The following SLC25A21 variants were observed in gnomAD, a reference collection of about 807,000 sequenced individuals.
The protein encoded by SLC25A21 is mitochondrial 2-oxodicarboxylate carrier.
A neutral mutation model predicts 43.8 loss-of-function variants in SLC25A21; 47 were observed. The ratio of observed to expected loss-of-function variants is 1.07; its 90% CI spans 0.85 to 1.37. The LOEUF (loss-of-function observed/expected upper bound fraction) is 1.37. SLC25A21 is among the 40% of genes most tolerant of loss of function. SLC25A21 has a pLI of 0.00. For missense variants in SLC25A21, 352 were observed against 350.2 expected (o/e 1.00, Z -0.04); for synonymous variants, 131 against 121.3 (o/e 1.08, Z -0.52).
intron 1 of SLC25A21, among the ~76,000 whole-genome samples, chr14:37,098,738 TAGATAGATAGACAGACAGACAGAC>T (rs1335690985): frequency 4.9e-4 from 4 of 8,174 alleles, no homozygotes; most frequent in African/African-American, 6.2e-4. Context: ...GATAGATAGA[TAGATAGATAGACAGACAGACAGAC>T]AGACAGACAG....
At chr14:36,851,728 T>C (rs1267626712) in intron 2 of SLC25A21, among the ~76,000 whole-genome samples, 5 of 152,186 alleles carry the variant, frequency 3.3e-5, no homozygotes, top group Non-Finnish European at 5.9e-5. Context: ...TTTTTGTTTG[T>C]CTGTTTTAAA....
chr14:36,818,828 A>G (rs1216322888), intron 2 of SLC25A21, among the ~76,000 whole-genome samples: 1 of 152,230 alleles, frequency 6.6e-6, no homozygotes, highest in Non-Finnish European at 1.5e-5. Flanking sequence ...TTGAAGCTTT[A>G]CATCAGCATG....
chr14:36,842,837 T>C (rs1889427317), intron 2 of SLC25A21, among the ~76,000 whole-genome samples: 1 of 152,134 alleles, frequency 6.6e-6, no homozygotes, highest in South Asian at 2.1e-4. Context: ...CAGGAGGATG[T>C]GTCTATGGCA....
At position 36,930,241 on chromosome 14, in the gene SLC25A21, C is replaced by T. The variant is rs140540644; in HGVS notation, c.71-55237G>A. On this transcript the variant is annotated intron_variant, in intron 1 of 9. Coordinates refer to ENST00000331299, the MANE Select transcript of SLC25A21 (RefSeq NM_030631.4). Reference sequence around the variant, plus strand: ...GTTGTCATAAGCCACCAAGTTTTGGCTAGCTAAAGAATATCACACAAAAAT... The same window carrying T: ...GTTGTCATAAGCCACCAAGTTTTGGTTAGCTAAAGAATATCACACAAAAAT... Among the ~76,000 whole-genome samples, 14 of 152,270 alleles carry T rather than the reference C, an allele frequency of 9.2e-5. No homozygotes were observed. In the East Asian group the frequency reaches 2.3e-3, roughly 25 times the overall value.
intron 1 of SLC25A21, among the ~76,000 whole-genome samples, chr14:37,105,316 A>G (rs897810395): frequency 6.6e-6 from 1 of 152,228 alleles, no homozygotes; most frequent in Non-Finnish European, 1.5e-5. Context: ...AATAAAACAG[A>G]TAATAAACAG....
chr14:36,870,039 C>T (rs1453081515), intron 2 of SLC25A21, among the ~76,000 whole-genome samples: 24 of 152,048 alleles, frequency 1.6e-4, no homozygotes, highest in Admixed American at 1.6e-3. Context: ...AAATATGAGG[C>T]AATAATTAAC....
chr14:36,804,447 CCTTA>C (rs1247539808), intron 3 of SLC25A21, among the ~76,000 whole-genome samples: 1 of 152,146 alleles, frequency 6.6e-6, no homozygotes, highest in Non-Finnish European at 1.5e-5. Context: ...CCTTAACAAC[CCTTA>C]CTTGTTTCTT....
intron 1 of SLC25A21, among the ~76,000 whole-genome samples, chr14:36,981,448 A>T (rs1467212100): frequency 2.6e-5 from 4 of 152,238 alleles, no homozygotes; most frequent in African/African-American, 9.6e-5. Flanking sequence ...CAAATGTCCA[A>T]CAATGATAGA....
intron 5 of SLC25A21, 29 bp from the exon 6 acceptor site, chr14:36,725,706 A>T (rs763490950): frequency 4.1e-6 from 6 of 1,480,638 alleles, no homozygotes; most frequent in Non-Finnish European, 5.6e-6. Flanking sequence ...TCAATACTTT[A>T]AAACAAGTTA....
At chr14:37,170,809 G>T (rs2138962881) in intron 1 of SLC25A21, among the ~76,000 whole-genome samples, 1 of 151,814 alleles carries the variant, frequency 6.6e-6, no homozygotes, top group African/African-American at 2.4e-5. Flanking sequence ...AACTAGCCGG[G>T]CATGGTGGTG....
intron 3 of SLC25A21, among the ~76,000 whole-genome samples, chr14:36,747,036 T>A: frequency 6.6e-6 from 1 of 152,316 alleles, no homozygotes; most frequent in East Asian, 1.9e-4. Flanking sequence ...TACATCTATA[T>A]GTATACATCA....
At chr14:36,698,078 T>C (rs1225900026) in intron 7 of SLC25A21, among the ~76,000 whole-genome samples, 2 of 152,206 alleles carry the variant, frequency 1.3e-5, no homozygotes, top group African/African-American at 4.8e-5. Context: ...CGTTTAGTGC[T>C]TCCTTCAGGA....
intron 8 of SLC25A21, among the ~76,000 whole-genome samples, chr14:36,684,307 AAAGT>A (rs1882429664): frequency 1.3e-5 from 2 of 152,374 alleles, no homozygotes; most frequent in South Asian, 2.1e-4. Flanking sequence ...GAAGAAACAG[AAAGT>A]AAGATTTAAA....
At position 36,725,687 on chromosome 14, in the gene SLC25A21, T is replaced by C. The variant is rs751998594; in HGVS notation, c.331-10A>G. On this transcript the variant is annotated splice_polypyrimidine_tract_variant and intron_variant, in intron 5 of 9. Coordinates refer to ENST00000331299, the MANE Select transcript of SLC25A21 (RefSeq NM_030631.4). Reference sequence around the variant, plus strand: ...CAGCAATGGCGAATGTCTAGAAAAATTAAATCAATCAATACTTTAAAACAA... The same window carrying C: ...CAGCAATGGCGAATGTCTAGAAAAACTAAATCAATCAATACTTTAAAACAA... The C allele has an allele frequency of 4.5e-6, 7 of 1,569,352 alleles. No individual in the cohort carries two copies. The South Asian group carries it at 7.0e-5, about 16-fold the overall frequency.
intron 1 of SLC25A21, among the ~76,000 whole-genome samples, chr14:36,940,591 TAA>T (rs1231401071): frequency 6.6e-6 from 1 of 152,050 alleles, no homozygotes; most frequent in African/African-American, 2.4e-5. Context: ...CTAAATAAAA[TAA>T]GTCAGAAAGT....
intron 1 of SLC25A21, among the ~76,000 whole-genome samples, chr14:37,099,914 A>G (rs775823329): frequency 6.6e-5 from 10 of 152,122 alleles, no homozygotes; most frequent in Non-Finnish European, 1.0e-4. Flanking sequence ...ATTTAAAATT[A>G]AATTTAAACA....
intron 1 of SLC25A21, among the ~76,000 whole-genome samples, chr14:36,884,271 A>G (rs1357706514): frequency 6.6e-6 from 1 of 152,178 alleles, no homozygotes; most frequent in Non-Finnish European, 1.5e-5. Flanking sequence ...TTCACTTAGC[A>G]TGACGTCCTC....
chr14:36,978,958 C>T (rs964443863), intron 1 of SLC25A21, among the ~76,000 whole-genome samples: 1 of 152,134 alleles, frequency 6.6e-6, no homozygotes, highest in African/African-American at 2.4e-5. Flanking sequence ...CGTGCTGCCA[C>T]GCACCTGCAA....
At chr14:37,169,193 C>G (rs998519804) in intron 1 of SLC25A21, among the ~76,000 whole-genome samples, 2 of 152,100 alleles carry the variant, frequency 1.3e-5, no homozygotes, top group African/African-American at 4.8e-5. Flanking sequence ...AGGGAGCTGG[C>G]ACCATGATGT....
Sources: gnomAD v4.1 joint callset for allele counts (sites outside exome capture counted in the v4.1 genomes callset) on GRCh38, gnomAD v4.1.1 for gene constraint, MANE v1.5 for transcripts, NCBI Gene and HGNC (gene_info 2026-07-23, HGNC 2026-07-21) for gene names.